PPARGC1A: variants seen among roughly 807,000 people sequenced by gnomAD.
PPARGC1A encodes the protein peroxisome proliferator-activated receptor gamma coactivator 1-alpha.
A neutral mutation model predicts 88.7 loss-of-function variants in PPARGC1A; 25 were observed. The observed-to-expected ratio is 0.28, with a 90% CI of 0.21 to 0.39. The LOEUF (loss-of-function observed/expected upper bound fraction) is 0.39. PPARGC1A is among the 10% of genes least tolerant of loss of function. The pLI, the probability that PPARGC1A is intolerant of heterozygous loss-of-function variation, is 1.00. For missense variants in PPARGC1A, 880 were observed against 968.7 expected (o/e 0.91, Z 1.22); for synonymous variants, 363 against 355.6 (o/e 1.02, Z -0.24).
the PPARGC1A span, among the ~76,000 whole-genome samples, chr4:24,222,982 C>T: frequency 1.3e-5 from 2 of 152,048 alleles, no homozygotes; most frequent in African/African-American, 2.4e-5. Flanking sequence ...AATTATAATA[C>T]CTAATGCTGG....
chr4:24,403,053 G>T, the PPARGC1A span, among the ~76,000 whole-genome samples: 1 of 152,210 alleles, frequency 6.6e-6, no homozygotes, highest in Non-Finnish European at 1.5e-5. Context: ...TGTAGGAGAA[G>T]AAATTAAGTT....
the PPARGC1A span, among the ~76,000 whole-genome samples, chr4:24,029,018 A>G: frequency 6.6e-6 from 1 of 152,208 alleles, no homozygotes; most frequent in African/African-American, 2.4e-5. Flanking sequence ...ATAGTTAGAG[A>G]AGCAGATTAG....
the PPARGC1A span, among the ~76,000 whole-genome samples, chr4:24,072,539 G>T: frequency 2.0e-5 from 3 of 151,994 alleles, no homozygotes; most frequent in Non-Finnish European, 2.9e-5. Context: ...CAGGCAGTTG[G>T]AAAGTTTTAA....
the PPARGC1A span, among the ~76,000 whole-genome samples, chr4:24,342,630 C>G: frequency 6.6e-6 from 1 of 152,122 alleles, no homozygotes; most frequent in Non-Finnish European, 1.5e-5. Context: ...AATGTATTTC[C>G]TTCATTAAGC....
chr4:24,028,954 G>A, the PPARGC1A span, among the ~76,000 whole-genome samples: 4 of 152,100 alleles, frequency 2.6e-5, no homozygotes, highest in Admixed American at 2.0e-4. Context: ...AACAGTCTAT[G>A]ACCGATTAGA....
At chr4:23,928,037 C>A in the PPARGC1A span, among the ~76,000 whole-genome samples, 1 of 152,084 alleles carries the variant, frequency 6.6e-6, no homozygotes, top group Non-Finnish European at 1.5e-5. Context: ...GCCTGGGCAG[C>A]AGCTAGTATT....
the PPARGC1A span, among the ~76,000 whole-genome samples, chr4:24,423,326 G>A: frequency 9.2e-5 from 14 of 152,190 alleles, no homozygotes; most frequent in Non-Finnish European, 2.9e-5. Flanking sequence ...TGCCTAACAC[G>A]TGATAGGGCT....
chr4:24,466,157 T>C, the PPARGC1A span, among the ~76,000 whole-genome samples: 1 of 152,126 alleles, frequency 6.6e-6, no homozygotes, highest in Non-Finnish European at 1.5e-5. Context: ...AACTCAAACA[T>C]CTAGTCCAAA....
the PPARGC1A span, among the ~76,000 whole-genome samples, chr4:24,362,020 CAAAAT>C: frequency 6.6e-6 from 1 of 152,188 alleles, no homozygotes. Context: ...GTTTTTCTAT[CAAAAT>C]AAAACCTTAA....
the PPARGC1A span, among the ~76,000 whole-genome samples, chr4:23,968,327 T>C: frequency 6.6e-6 from 1 of 152,182 alleles, no homozygotes; most frequent in Non-Finnish European, 1.5e-5. Context: ...CTTGTCACTA[T>C]CATCATATTC....
intron 10 of PPARGC1A, among the ~76,000 whole-genome samples, chr4:23,811,015 T>C (rs3774920): frequency 0.085 from 13,009 of 152,226 alleles, 603 homozygotes; most frequent in East Asian, 0.19. Flanking sequence ...CACTGCTCAT[T>C]TGGAAGTTGA....
At chr4:24,248,361 G>C in the PPARGC1A span, among the ~76,000 whole-genome samples, 1 of 151,924 alleles carries the variant, frequency 6.6e-6, no homozygotes, top group African/African-American at 2.4e-5. Context: ...TCCTGACCTC[G>C]TGATCTGCCC....
the PPARGC1A span, among the ~76,000 whole-genome samples, chr4:24,397,670 G>A: frequency 2.1e-3 from 318 of 152,312 alleles, 2 homozygotes; most frequent in Middle Eastern, 6.8e-3. Context: ...TAAAATGAAA[G>A]TCAGATGTGG....
At chr4:24,161,712 G>A in the PPARGC1A span, among the ~76,000 whole-genome samples, 80 of 152,274 alleles carry the variant, frequency 5.3e-4, no homozygotes, top group South Asian at 1.4e-3. Flanking sequence ...GGTTCCGATG[G>A]TAAATTCAGA....
At chr4:23,994,023 A>T in the PPARGC1A span, among the ~76,000 whole-genome samples, 1 of 152,192 alleles carries the variant, frequency 6.6e-6, no homozygotes, top group African/African-American at 2.4e-5. Flanking sequence ...ACAAAGAAAG[A>T]ATAGAAGTTT....
At chr4:24,322,477 A>G in the PPARGC1A span, among the ~76,000 whole-genome samples, 2 of 152,232 alleles carry the variant, frequency 1.3e-5, no homozygotes, top group South Asian at 4.1e-4. Flanking sequence ...TATGTCATTT[A>G]TAACTTCACA....
chr4:24,297,868 G>A, the PPARGC1A span, among the ~76,000 whole-genome samples: 3 of 152,138 alleles, frequency 2.0e-5, no homozygotes. Flanking sequence ...TGGGTCAATC[G>A]GGTTTTTTGT....
chr4:23,886,529 A>G (rs1376699232), intron 1 of PPARGC1A, among the ~76,000 whole-genome samples: 1 of 152,174 alleles, frequency 6.6e-6, no homozygotes, highest in Non-Finnish European at 1.5e-5. Flanking sequence ...GAATGCAAAG[A>G]AAGGGCCCTC....
the PPARGC1A span, among the ~76,000 whole-genome samples, chr4:24,447,693 G>A: frequency 2.6e-5 from 4 of 152,142 alleles, no homozygotes; most frequent in African/African-American, 9.7e-5. Flanking sequence ...CAGGGACCAC[G>A]TCCCTGGGCT....
Sources: allele counts gnomAD v4.1 joint callset (sites outside exome capture counted in the v4.1 genomes callset), GRCh38; gene constraint gnomAD v4.1.1; transcripts MANE v1.5; gene names NCBI Gene and HGNC (gene_info 2026-07-23, HGNC 2026-07-21).